DLGAP2: variants seen among roughly 807,000 people sequenced by gnomAD.
DLGAP2 encodes disks large-associated protein 2.
Under a neutral mutation model 100.3 loss-of-function variants are expected in DLGAP2, and 26 were observed. The ratio of observed to expected loss-of-function variants is 0.26; its 90% CI spans 0.19 to 0.36. The LOEUF (loss-of-function observed/expected upper bound fraction) is 0.36, where lower values mean the gene tolerates loss of function less well. DLGAP2 is among the 10% of genes least tolerant of loss of function. DLGAP2 has a pLI of 1.00. For synonymous variants in DLGAP2, 886 were observed against 630.1 expected (o/e 1.41, Z -6.08); for missense variants, 1,858 against 1,453.2 (o/e 1.28, Z -4.53).
intron 2 of DLGAP2, among the ~76,000 whole-genome samples, chr8:1,100,440 G>T (rs1242412941): frequency 6.6e-6 from 1 of 152,082 alleles, no homozygotes; most frequent in African/African-American, 2.4e-5. Flanking sequence ...CTTGTGTAGG[G>T]AAAACCTTTG....
intron 2 of DLGAP2, among the ~76,000 whole-genome samples, chr8:988,369 A>C (rs933744242): frequency 2.0e-5 from 3 of 152,178 alleles, no homozygotes; most frequent in Non-Finnish European, 4.4e-5. Context: ...GTCATTCTTT[A>C]TTCTTCTCTC....
At position 1,700,250 on chromosome 8, in the gene DLGAP2, C is replaced by A. The variant is rs148500472; in HGVS notation, c.2950-938C>A. On this transcript the variant is annotated intron_variant, in intron 14 of 14. Transcript: ENST00000637795. ...GAGAAAAAGACATGAGTGGAGTTTT[C>A]CTGTTTTTCTCCCCCAAAACTAGAT... 2.6e-5 allele frequency among the ~76,000 whole-genome samples: 4 copies of A among 152,278 alleles called. No individual in the cohort carries two copies. In the East Asian group the frequency reaches 7.7e-4, roughly 29 times the overall value.
chr8:1,467,762 C>T (rs1798666646), intron 3 of DLGAP2, among the ~76,000 whole-genome samples: 1 of 152,156 alleles, frequency 6.6e-6, no homozygotes, highest in Admixed American at 6.5e-5. Flanking sequence ...GGCAGAGTGG[C>T]AGAGACCACC....
intron 12 of DLGAP2, 162 bp downstream of exon 12, chr8:1,678,791 T>C (rs528292637): frequency 1.4e-5 from 11 of 781,930 alleles, no homozygotes; most frequent in Non-Finnish European, 2.0e-5. Context: ...AGAAAAGATA[T>C]AAATTACATG....
intron 2 of DLGAP2, chr8:1,019,654 T>A (rs188672394): frequency 6.6e-6 from 1 of 152,262 alleles, no homozygotes; most frequent in Non-Finnish European, 1.5e-5. Flanking sequence ...AGCTTGAATA[T>A]TTTTCAGGGT....
chr8:1,624,767 C>T (rs1335865184), intron 6 of DLGAP2, among the ~76,000 whole-genome samples: 1 of 151,792 alleles, frequency 6.6e-6, no homozygotes, highest in African/African-American at 2.4e-5. Context: ...CGGGAGTCGG[C>T]GGGCATCGAT....
chr8:993,513 T>C (rs575861852), intron 2 of DLGAP2, among the ~76,000 whole-genome samples: 7 of 149,890 alleles, frequency 4.7e-5, no homozygotes, highest in African/African-American at 1.7e-4. Flanking sequence ...TGCACCCCCA[T>C]ACTCGGAGTT....
At chr8:1,501,229 C>T (rs950631482) in intron 3 of DLGAP2, 137 bp from the exon 4 acceptor site, 56 of 879,452 alleles carry the variant, frequency 6.4e-5, no homozygotes, top group Admixed American at 5.1e-4. Flanking sequence ...GGGCTCTGAG[C>T]GGTGACGTTT....
intron 2 of DLGAP2, among the ~76,000 whole-genome samples, chr8:1,159,612 A>G (rs1355986252): frequency 2.0e-5 from 3 of 152,208 alleles, no homozygotes; most frequent in Non-Finnish European, 4.4e-5. Flanking sequence ...TGTACAACAG[A>G]GAAAGAATAC....
chr8:1,343,388 G>A (rs1801463974), intron 3 of DLGAP2, among the ~76,000 whole-genome samples: 1 of 152,136 alleles, frequency 6.6e-6, no homozygotes, highest in Non-Finnish European at 1.5e-5. Flanking sequence ...TTGCCCACGA[G>A]CCTGTGTCCT....
intron 3 of DLGAP2, among the ~76,000 whole-genome samples, chr8:1,325,953 G>C (rs892447772): frequency 5.9e-5 from 9 of 152,094 alleles, no homozygotes; most frequent in Non-Finnish European, 1.5e-5. Context: ...TCCCCCGTAA[G>C]CTATAAGGCC....
At chr8:1,598,040 C>G (rs1796513131) in intron 6 of DLGAP2, among the ~76,000 whole-genome samples, 1 of 152,182 alleles carries the variant, frequency 6.6e-6, no homozygotes, top group African/African-American at 2.4e-5. Flanking sequence ...TACTTCACAT[C>G]AATACCTAGT....
intron 2 of DLGAP2, among the ~76,000 whole-genome samples, chr8:1,030,353 C>T (rs941943474): frequency 6.6e-6 from 1 of 152,006 alleles, no homozygotes; most frequent in African/African-American, 2.4e-5. Flanking sequence ...TTTTCAAATA[C>T]AGTTCTGTTC....
intron 2 of DLGAP2, among the ~76,000 whole-genome samples, chr8:1,040,666 G>T (rs1257332683): frequency 6.7e-6 from 1 of 149,558 alleles, no homozygotes; most frequent in Non-Finnish European, 1.5e-5. Flanking sequence ...TCGGCTTGGT[G>T]TGTGTGGTCG....
At chr8:836,609 C>G (rs1011229960) in intron 1 of DLGAP2, among the ~76,000 whole-genome samples, 17 of 152,144 alleles carry the variant, frequency 1.1e-4, no homozygotes, top group African/African-American at 3.6e-4. Context: ...CTGGAGAACG[C>G]GGCCTGTGGG....
intron 1 of DLGAP2, among the ~76,000 whole-genome samples, chr8:777,477 A>G (rs1402553644): frequency 6.6e-6 from 1 of 151,878 alleles, no homozygotes; most frequent in Non-Finnish European, 1.5e-5. Flanking sequence ...ATGATTTTGC[A>G]GTGGCTGGTA....
chr8:798,624 C>T (rs998141138), intron 1 of DLGAP2, among the ~76,000 whole-genome samples: 55 of 129,638 alleles, frequency 4.2e-4, no homozygotes, highest in Middle Eastern at 6.5e-3. Flanking sequence ...CCCCGTGCCC[C>T]GGTGCTGGCC....
At chr8:1,504,012 G>C (rs1009017950) in intron 4 of DLGAP2, among the ~76,000 whole-genome samples, 1 of 152,206 alleles carries the variant, frequency 6.6e-6, no homozygotes, top group African/African-American at 2.4e-5. Context: ...TGCACCTCGT[G>C]AGGAAGGTGG....
rs571727576 is a variant in DLGAP2, at chr8:890,103, C to T, written c.19-17809C>T. Reference sequence around the variant, plus strand: ...CTTCTAGTGAAGTTTGATGAGAGAACCTGGATACCTTGGCTGCCGGTGAAG... The same window carrying T: ...CTTCTAGTGAAGTTTGATGAGAGAATCTGGATACCTTGGCTGCCGGTGAAG... On this transcript the variant is annotated intron_variant, in intron 1 of 14. Coordinates refer to ENST00000637795, the MANE Select transcript of DLGAP2 (RefSeq NM_001346810.2). Among the ~76,000 whole-genome samples, 9 of 152,256 alleles carry T rather than the reference C, an allele frequency of 5.9e-5. No individual in the cohort carries two copies. In the East Asian group the frequency reaches 1.7e-3, roughly 30 times the overall value.
Sources: allele counts gnomAD v4.1 joint callset (sites outside exome capture counted in the v4.1 genomes callset), GRCh38; gene constraint gnomAD v4.1.1; transcripts MANE v1.5; gene names NCBI Gene and HGNC (gene_info 2026-07-23, HGNC 2026-07-21).